Variants in NXPH1 observed in about 807,000 individuals in gnomAD.
NXPH1 encodes neurexophilin 1, also known as neurexophilin-1.
Under a neutral mutation model 23.7 loss-of-function variants are expected in NXPH1, and 5 were observed. The ratio of observed to expected loss-of-function variants is 0.21; its 90% CI spans 0.11 to 0.44. The LOEUF is 0.44. Among genes scored for constraint, NXPH1 ranks in the 20% least tolerant of loss-of-function variants. The pLI, the probability that NXPH1 is intolerant of heterozygous loss-of-function variation, is 0.99. For synonymous variants in NXPH1, 144 were observed against 122.2 expected, an observed-to-expected ratio of 1.18 and a Z score of -1.18; for missense variants, 324 against 321.6, an observed-to-expected ratio of 1.01 and a Z score of -0.06.
chr7:8,578,838 G>C (rs111363853), intron 2 of NXPH1, among the ~76,000 whole-genome samples: 8 of 152,300 alleles, frequency 5.3e-5, no homozygotes, highest in African/African-American at 1.7e-4. Flanking sequence ...TAGTTCAGTT[G>C]AGCCTTACAA....
At chr7:8,565,395 A>C (rs1818523256) in intron 2 of NXPH1, among the ~76,000 whole-genome samples, 1 of 151,828 alleles carries the variant, frequency 6.6e-6, no homozygotes, top group Non-Finnish European at 1.5e-5. Context: ...GACATAAGTC[A>C]ATAGAGAAAT....
intron 2 of NXPH1, among the ~76,000 whole-genome samples, chr7:8,450,437 GTCT>G (rs1185593482): frequency 6.6e-6 from 1 of 152,206 alleles, no homozygotes; most frequent in African/African-American, 2.4e-5. Context: ...CTTAGCACAG[GTCT>G]TTCATTGCAT....
intron 2 of NXPH1, among the ~76,000 whole-genome samples, chr7:8,582,200 C>T (rs1469260443): frequency 6.6e-6 from 1 of 152,148 alleles, no homozygotes; most frequent in Admixed American, 6.5e-5. Context: ...TTGTAGATGC[C>T]GGGAATCACA....
At chr7:8,591,842 G>T (rs1236813986) in intron 2 of NXPH1, among the ~76,000 whole-genome samples, 11 of 126,906 alleles carry the variant, frequency 8.7e-5, no homozygotes, top group African/African-American at 3.2e-4. Flanking sequence ...AAGGGCTGAG[G>T]TTTCTTTTTT....
chr7:8,689,358 G>T (rs941951282), intron 2 of NXPH1, among the ~76,000 whole-genome samples: 1 of 151,904 alleles, frequency 6.6e-6, no homozygotes, highest in African/African-American at 2.4e-5. Flanking sequence ...CAGCTCGCTG[G>T]CAGGAAACAT....
At chr7:8,576,853 A>G (rs559349632) in intron 2 of NXPH1, among the ~76,000 whole-genome samples, 1 of 152,250 alleles carries the variant, frequency 6.6e-6, no homozygotes, top group East Asian at 1.9e-4. Flanking sequence ...GGTCAGAGTT[A>G]TGTTTCCAGA....
intron 2 of NXPH1, among the ~76,000 whole-genome samples, chr7:8,700,354 C>T (rs377297826): frequency 1.3e-5 from 2 of 152,180 alleles, no homozygotes; most frequent in Admixed American, 1.3e-4. Context: ...TCATTTCTGT[C>T]TTTCATCCAT....
intron 2 of NXPH1, among the ~76,000 whole-genome samples, chr7:8,644,546 C>A (rs982798482): frequency 4.6e-5 from 7 of 151,918 alleles, no homozygotes; most frequent in African/African-American, 1.7e-4. Context: ...TTGATGACTG[C>A]AGTTATTGTT....
intron 2 of NXPH1, among the ~76,000 whole-genome samples, chr7:8,498,367 A>G (rs1184202608): frequency 1.3e-5 from 2 of 152,050 alleles, no homozygotes; most frequent in East Asian, 1.9e-4. Context: ...AGTAGAGTTG[A>G]TAGATTTTTG....
intron 2 of NXPH1, among the ~76,000 whole-genome samples, chr7:8,629,064 C>T (rs1424823517): frequency 6.6e-6 from 1 of 151,626 alleles, no homozygotes; most frequent in African/African-American, 2.4e-5. Flanking sequence ...TGAATAAAAA[C>T]AAATTTTCGA....
intron 2 of NXPH1, among the ~76,000 whole-genome samples, chr7:8,584,167 G>A (rs1277014511): frequency 6.6e-6 from 1 of 152,188 alleles, no homozygotes; most frequent in Non-Finnish European, 1.5e-5. Context: ...ACTGAGGCAT[G>A]GAGAGGTGAA....
At chr7:8,682,444 G>T (rs962590596) in intron 2 of NXPH1, among the ~76,000 whole-genome samples, 55 of 152,192 alleles carry the variant, frequency 3.6e-4, no homozygotes, top group African/African-American at 1.2e-3. Context: ...ATGATTAAAT[G>T]ATTATATTTT....
At chr7:8,473,961 C>T (rs1816918332) in intron 2 of NXPH1, among the ~76,000 whole-genome samples, 1 of 152,098 alleles carries the variant, frequency 6.6e-6, no homozygotes, top group Non-Finnish European at 1.5e-5. Context: ...CTTCAAATTA[C>T]CCAGGAGCTT....
intron 2 of NXPH1, among the ~76,000 whole-genome samples, chr7:8,729,068 G>A (rs1452575476): frequency 7.2e-5 from 11 of 152,198 alleles, no homozygotes; most frequent in African/African-American, 1.9e-4. Flanking sequence ...TTAGTCTTGG[G>A]AGGGTGTATG....
intron 2 of NXPH1, among the ~76,000 whole-genome samples, chr7:8,622,320 G>A (rs1470937315): frequency 6.6e-6 from 1 of 152,144 alleles, no homozygotes; most frequent in Non-Finnish European, 1.5e-5. Flanking sequence ...ATAAGACTGC[G>A]ATCAAAAGTA....
chr7:8,665,341 A>G (rs1459506346), intron 2 of NXPH1, among the ~76,000 whole-genome samples: 3 of 151,950 alleles, frequency 2.0e-5, no homozygotes, highest in African/African-American at 7.2e-5. Flanking sequence ...AGATACATGG[A>G]TTTATATCTT....
intron 2 of NXPH1, among the ~76,000 whole-genome samples, chr7:8,470,832 C>G (rs910798625): frequency 6.6e-6 from 1 of 152,022 alleles, no homozygotes; most frequent in Non-Finnish European, 1.5e-5. Context: ...GAACAGTCTT[C>G]GTCTTCACCA....
chr7:8,595,450 A>C (rs538704825), intron 2 of NXPH1, among the ~76,000 whole-genome samples: 2 of 152,168 alleles, frequency 1.3e-5, no homozygotes, highest in Admixed American at 6.6e-5. Context: ...CCATCTGGAA[A>C]TTATTTGGTA....
rs557886219 is a variant in NXPH1 at position 8,443,266 on chromosome 7, C to G, written c.54+7499C>G. Among the ~76,000 whole-genome samples the G allele has an allele frequency of 5.9e-5, 9 of 152,354 alleles. No homozygotes were observed. In the South Asian group the frequency reaches 1.7e-3, roughly 28 times the overall value. On this transcript the variant is annotated intron_variant, in intron 2 of 2. Coordinates refer to ENST00000405863, the MANE Select transcript of NXPH1 (RefSeq NM_152745.3). ...TGGTTGCGGCGTCACGTGATCACCA[C>G]GGAGATTTTGCGAATCCTTCTTTTC...
Sources: gnomAD v4.1 joint callset for allele counts (sites outside exome capture counted in the v4.1 genomes callset) on GRCh38, gnomAD v4.1.1 for gene constraint, MANE v1.5 for transcripts, NCBI Gene and HGNC (gene_info 2026-07-23, HGNC 2026-07-21) for gene names.